Variants in SGCG observed in about 807,000 individuals in gnomAD.
SGCG encodes gamma-sarcoglycan.
A neutral mutation model predicts 29.3 loss-of-function variants in SGCG; 26 were observed. The observed-to-expected ratio is 0.89, with a 90% CI of 0.65 to 1.23. The LOEUF is 1.23. Ranked by LOEUF, SGCG falls within the 50% of genes most tolerant of loss-of-function variation. The pLI, the probability that SGCG is intolerant of heterozygous loss-of-function variation, is 0.00. For missense variants in SGCG, 353 were observed against 356.0 expected, an observed-to-expected ratio of 0.99 and a Z score of 0.07; for synonymous variants, 145 against 129.7, an observed-to-expected ratio of 1.12 and a Z score of -0.80.
chr13:23,310,220 G>C (rs1206612032), intron 6 of SGCG, among the ~76,000 whole-genome samples: 1 of 151,382 alleles, frequency 6.6e-6, no homozygotes, highest in Non-Finnish European at 1.5e-5. Context: ...CCAAGTAGCT[G>C]GGACTACAGG....
At chr13:23,252,737 A>C (rs1880023559) in intron 4 of SGCG, among the ~76,000 whole-genome samples, 1 of 152,170 alleles carries the variant, frequency 6.6e-6, no homozygotes, top group Admixed American at 6.5e-5. Flanking sequence ...AATTAGTACA[A>C]GTACACATTC....
chr13:23,274,567 A>C (rs755247428), intron 4 of SGCG, among the ~76,000 whole-genome samples: 8 of 151,324 alleles, frequency 5.3e-5, no homozygotes, highest in Non-Finnish European at 1.2e-4. Flanking sequence ...AGACTACAGG[A>C]GCCCACCACC....
At position 23,318,181 on chromosome 13, in the gene SGCG, CCTACTAGTTATGTCCTACTATAA is replaced by C. The variant is rs200925127; in HGVS notation, c.579-2435_579-2413del. On this transcript the variant is annotated intron_variant, in intron 6 of 7. Coordinates refer to ENST00000218867, the MANE Select transcript of SGCG (RefSeq NM_000231.3). ...AGTTAATACTTAATAAACTCCCCTT[CCTACTAGTTATGTCCTACTATAA>C]CTACTAGTTATGTCCTACTAGTTAT... Among the ~76,000 whole-genome samples, 26 of 151,896 alleles carry C rather than the reference CCTACTAGTTATGTCCTACTATAA, an allele frequency of 1.7e-4. No homozygotes were observed. The South Asian group carries it at 2.7e-3, about 16-fold the overall frequency.
At chr13:23,264,338 C>CAA (rs145913788) in intron 4 of SGCG, among the ~76,000 whole-genome samples, 6 of 145,800 alleles carry the variant, frequency 4.1e-5, no homozygotes, top group Admixed American at 2.7e-4. Context: ...ACAATGGTTA[C>CAA]AAAAAAAAAA....
At chr13:23,300,549 T>C (rs1882111559) in intron 6 of SGCG, among the ~76,000 whole-genome samples, 1 of 152,062 alleles carries the variant, frequency 6.6e-6, no homozygotes, top group Non-Finnish European at 1.5e-5. Flanking sequence ...GAAAGATTGC[T>C]ATTTTAGGCC....
chr13:23,235,913 C>T (rs1295343301), intron 3 of SGCG, among the ~76,000 whole-genome samples: 1 of 152,204 alleles, frequency 6.6e-6, no homozygotes, highest in African/African-American at 2.4e-5. Context: ...CTGAACCAGA[C>T]ATTCGCCAAG....
At chr13:23,258,209 CTCTTT>C (rs1880275321) in intron 4 of SGCG, among the ~76,000 whole-genome samples, 1 of 152,020 alleles carries the variant, frequency 6.6e-6, no homozygotes. Context: ...TGTTTGTGTC[CTCTTT>C]TATTTCGTTG....
intron 6 of SGCG, among the ~76,000 whole-genome samples, chr13:23,313,948 A>C (rs1882697811): frequency 6.6e-6 from 1 of 152,164 alleles, no homozygotes; most frequent in Non-Finnish European, 1.5e-5. Context: ...CTAGCCTCCC[A>C]GCCTACATCT....
In SGCG at chr13:23,189,334, G is replaced by A. The variant is rs377060919; in HGVS notation, c.-1+8259G>A. Among the ~76,000 whole-genome samples, 6 of 152,222 alleles carry A rather than the reference G, an allele frequency of 3.9e-5. No homozygotes were observed. In the East Asian group the frequency reaches 5.8e-4, roughly 15 times the overall value. ...TGGGACTATAGGTGCATGCCACCAC[G>A]CCTGGCTATTTTTTGTATTTTTAGT... On this transcript the variant is annotated intron_variant, in intron 1 of 7. Coordinates refer to ENST00000218867, the MANE Select transcript of SGCG (RefSeq NM_000231.3).
chr13:23,251,243 T>A (rs1016877459), intron 4 of SGCG, among the ~76,000 whole-genome samples: 1 of 152,220 alleles, frequency 6.6e-6, no homozygotes, highest in East Asian at 1.9e-4. Context: ...GCTGTAGTTA[T>A]CAACATCAAA....
At chr13:23,302,726 A>G (rs1167887842) in intron 6 of SGCG, among the ~76,000 whole-genome samples, 1 of 152,168 alleles carries the variant, frequency 6.6e-6, no homozygotes, top group East Asian at 1.9e-4. Context: ...ATTGTATAAA[A>G]CTACATCTTT....
chr13:23,310,110 G>A (rs12866850), intron 6 of SGCG, among the ~76,000 whole-genome samples: 9,409 of 122,368 alleles, frequency 0.077, 552 homozygotes, highest in South Asian at 0.12. Flanking sequence ...TTTTTTAGAC[G>A]GAGTCTTGCT....
At chr13:23,270,102 T>A (rs867614684) in intron 4 of SGCG, among the ~76,000 whole-genome samples, 1 of 152,038 alleles carries the variant, frequency 6.6e-6, no homozygotes, top group African/African-American at 2.4e-5. Context: ...TCTCCATCTC[T>A]TGACCTCGTG....
chr13:23,253,670 A>G (rs1407768243), intron 4 of SGCG, among the ~76,000 whole-genome samples: 1 of 152,224 alleles, frequency 6.6e-6, no homozygotes, highest in Non-Finnish European at 1.5e-5. Flanking sequence ...CATGATTTGG[A>G]TGTGCGTCCC....
intron 4 of SGCG, among the ~76,000 whole-genome samples, chr13:23,255,243 T>C (rs561164757): frequency 7.2e-5 from 11 of 152,240 alleles, no homozygotes; most frequent in Non-Finnish European, 1.5e-4. Flanking sequence ...ACAGGAGTGG[T>C]GCTGGTCACC....
At chr13:23,229,561 A>G (rs975494376) in intron 2 of SGCG, among the ~76,000 whole-genome samples, 1 of 150,974 alleles carries the variant, frequency 6.6e-6, no homozygotes. Context: ...ACATTTTTTC[A>G]TGTGCTTTTT....
chr13:23,249,063 C>T (rs562854359), intron 3 of SGCG, among the ~76,000 whole-genome samples: 3 of 151,040 alleles, frequency 2.0e-5, no homozygotes, highest in Non-Finnish European at 2.9e-5. Flanking sequence ...AAGAACAGTT[C>T]ACCTACTCAT....
intron 6 of SGCG, among the ~76,000 whole-genome samples, chr13:23,303,024 G>A (rs1424581810): frequency 6.6e-6 from 1 of 152,202 alleles, no homozygotes; most frequent in Non-Finnish European, 1.5e-5. Context: ...TGAAAGTAAA[G>A]AATTAGAAAC....
At chr13:23,210,651 A>G (rs555311847) in intron 2 of SGCG, among the ~76,000 whole-genome samples, 2 of 152,156 alleles carry the variant, frequency 1.3e-5, no homozygotes, top group Non-Finnish European at 2.9e-5. Context: ...AGATCATGCC[A>G]TTGCACTCCA....
Sources: allele counts gnomAD v4.1 joint callset (sites outside exome capture counted in the v4.1 genomes callset), GRCh38; gene constraint gnomAD v4.1.1; transcripts MANE v1.5; gene names NCBI Gene and HGNC (gene_info 2026-07-23, HGNC 2026-07-21).